Variants in USP48 observed in about 807,000 individuals in gnomAD.
USP48 encodes ubiquitin specific peptidase 48.
In USP48, 43 loss-of-function variants were observed where a neutral mutation model predicts 150.7. That is an observed-to-expected ratio of 0.29 (90% confidence interval 0.22 to 0.37). The LOEUF (loss-of-function observed/expected upper bound fraction) is 0.37, where lower values mean the gene tolerates loss of function less well. Ranked by LOEUF, USP48 falls within the 10% of genes least tolerant of loss-of-function variation. The pLI is 1.00. For synonymous variants in USP48, 396 were observed against 425.9 expected, an observed-to-expected ratio of 0.93 and a Z score of 0.86; for missense variants, 813 against 1,249.6, an observed-to-expected ratio of 0.65 and a Z score of 5.27.
chr1:21,704,533 A>T, intron 19 of USP48, 141 bp from the exon 20 acceptor site: 1 of 931,004 alleles, frequency 1.1e-6, no homozygotes, highest in Non-Finnish European at 1.5e-6. Context: ...CGTATCATCA[A>T]CAAAGAATAG....
chr1:21,770,636 ATGCTCGGCT>A (rs2097877063), intron 1 of USP48, among the ~76,000 whole-genome samples: 1 of 151,216 alleles, frequency 6.6e-6, no homozygotes, highest in South Asian at 2.1e-4. Context: ...GCGCACCACC[ATGCTCGGCT>A]AATTTTTTGT....
At chr1:21,750,813 C>T (rs778950205) in intron 6 of USP48, among the ~76,000 whole-genome samples, 1 of 150,694 alleles carries the variant, frequency 6.6e-6, no homozygotes, top group Non-Finnish European at 1.5e-5. Flanking sequence ...ATCCGGGAGG[C>T]GGAGGTTGCA....
Position 21,728,583 on chromosome 1 carries a change from T to C in USP48, c.1437A>G (p.Leu479=), listed in dbSNP as rs1454203013. The C allele has an allele frequency of 6.2e-7, 1 of 1,613,708 alleles. No individual in the cohort carries two copies. The highest frequency in any genetic ancestry group is 1.7e-5 in the Admixed American group (1 of 59,938). ...HEEVKELYQR[L]PAGAEPYEFV... is the part of the protein sequence containing the mutation. ...TATCTTACAGACCAGCTCCAGCAGG[T>C]AACCTTTGGTACAGCTCCTTAACCT... Residue 479 remains leucine (L), a synonymous_variant, in exon 11 of 27, where the codon TTA becomes TTG. Transcript: ENST00000308271.
At chr1:21,736,012 T>C (rs1248599889) in intron 9 of USP48, among the ~76,000 whole-genome samples, 1 of 151,860 alleles carries the variant, frequency 6.6e-6, no homozygotes, top group Non-Finnish European at 1.5e-5. Flanking sequence ...GAGGCAGAGG[T>C]TGCAGTGAGC....
chr1:21,683,860 C>T (rs573195730), intron 25 of USP48, among the ~76,000 whole-genome samples: 17 of 152,248 alleles, frequency 1.1e-4, no homozygotes, highest in Admixed American at 5.9e-4. Flanking sequence ...TTAGCTCCTA[C>T]GTATGAGTGA....
chr1:21,718,653 G>A (rs1297498906), intron 14 of USP48, among the ~76,000 whole-genome samples: 2 of 151,660 alleles, frequency 1.3e-5, no homozygotes, highest in Admixed American at 6.6e-5. Context: ...CCTCCTCCCG[G>A]ATTCAAATGA....
chr1:21,694,529 C>T (rs2097616132), intron 23 of USP48, among the ~76,000 whole-genome samples: 1 of 123,516 alleles, frequency 8.1e-6, no homozygotes, highest in Admixed American at 1.0e-4. Context: ...AAGATGGCAC[C>T]ACTGCACTCC....
chr1:21,758,575 C>A (rs1248947493), intron 1 of USP48, among the ~76,000 whole-genome samples: 1 of 151,830 alleles, frequency 6.6e-6, no homozygotes, highest in African/African-American at 2.4e-5. Context: ...CAGCCTGAAA[C>A]CCTGTCTCTA....
At chr1:21,774,180 AAATAATAATAATAAT>A (rs57694769) in intron 1 of USP48, among the ~76,000 whole-genome samples, 22,756 of 141,156 alleles carry the variant, frequency 0.16, 2,444 homozygotes, top group East Asian at 0.37. Flanking sequence ...CTCCGTCTCA[AAATAATAATAATAAT>A]AATAATAATA....
chr1:21,684,544 T>A (rs1262669359), intron 25 of USP48, among the ~76,000 whole-genome samples: 1 of 152,240 alleles, frequency 6.6e-6, no homozygotes, highest in African/African-American at 2.4e-5. Flanking sequence ...AGAAGCTTTT[T>A]AGTTTAATAT....
At chr1:21,774,763 G>A (rs2097893019) in intron 1 of USP48, among the ~76,000 whole-genome samples, 1 of 151,758 alleles carries the variant, frequency 6.6e-6, no homozygotes, top group Non-Finnish European at 1.5e-5. Flanking sequence ...AGGCTGAGGT[G>A]GGCAGATCAC....
chr1:21,748,078 TAA>T, intron 7 of USP48, 58 bp downstream of exon 7: 1 of 1,461,032 alleles, frequency 6.8e-7, no homozygotes, highest in East Asian at 2.5e-5. Context: ...TCATCTATGG[TAA>T]AGTCTGTACA....
intron 5 of USP48, 92 bp from the exon 6 acceptor site, chr1:21,751,707 T>C: frequency 1.0e-6 from 1 of 963,234 alleles, no homozygotes; most frequent in Non-Finnish European, 1.6e-6. Context: ...GAAAAAAGCA[T>C]TTATAACTTT....
intron 15 of USP48, among the ~76,000 whole-genome samples, chr1:21,713,106 TTTTTG>T (rs1340736199): frequency 1.3e-5 from 2 of 151,858 alleles, no homozygotes; most frequent in African/African-American, 2.4e-5. Context: ...CTCTCTTTCT[TTTTTG>T]TTTTGTTTTG....
chr1:21,704,484 C>A, intron 19 of USP48, 92 bp from the exon 20 acceptor site: 1 of 1,341,872 alleles, frequency 7.5e-7, no homozygotes. Context: ...AAACCATTAA[C>A]ACTAACATTT....
At chr1:21,707,973 C>G (rs1013262167) in intron 15 of USP48, among the ~76,000 whole-genome samples, 3 of 151,944 alleles carry the variant, frequency 2.0e-5, no homozygotes, top group African/African-American at 7.2e-5. Context: ...ACCAGCCTGG[C>G]CAACATGATG....
chr1:21,772,344 C>A (rs2097883412), intron 1 of USP48, among the ~76,000 whole-genome samples: 1 of 152,186 alleles, frequency 6.6e-6, no homozygotes, highest in Admixed American at 6.5e-5. Flanking sequence ...CTAGGCCGGG[C>A]CGGGCATGGT....
intron 12 of USP48, among the ~76,000 whole-genome samples, chr1:21,722,276 G>T (rs1353838284): frequency 1.3e-5 from 2 of 151,826 alleles, no homozygotes; most frequent in Non-Finnish European, 2.9e-5. Flanking sequence ...AGGTATAGTG[G>T]CTCATACCAC....
intron 12 of USP48, among the ~76,000 whole-genome samples, chr1:21,722,381 G>C (rs1043033371): frequency 6.2e-5 from 9 of 146,228 alleles, no homozygotes; most frequent in Non-Finnish European, 1.2e-4. Flanking sequence ...TCTACAAAAA[G>C]TGTAAAAATT....
Sources: allele counts gnomAD v4.1 joint callset (sites outside exome capture counted in the v4.1 genomes callset), GRCh38; gene constraint gnomAD v4.1.1; transcripts MANE v1.5; gene names NCBI Gene and HGNC (gene_info 2026-07-23, HGNC 2026-07-21).